Variants in LRRTM4 observed in about 807,000 individuals in gnomAD.
LRRTM4 encodes leucine rich repeat transmembrane neuronal 4.
Under a neutral mutation model 47.6 loss-of-function variants are expected in LRRTM4, and 25 were observed. The observed-to-expected ratio is 0.53, with a 90% CI of 0.38 to 0.73. The LOEUF (loss-of-function observed/expected upper bound fraction) is 0.73. Ranked by LOEUF, LRRTM4 falls within the 30% of genes least tolerant of loss-of-function variation. The pLI, the probability that LRRTM4 is intolerant of heterozygous loss-of-function variation, is 0.00. For synonymous variants in LRRTM4, 311 were observed against 269.5 expected, an observed-to-expected ratio of 1.15 and a Z score of -1.51; for missense variants, 638 against 713.4, an observed-to-expected ratio of 0.89 and a Z score of 1.20.
chr2:77,462,869 C>G (rs1263027269), intron 3 of LRRTM4, among the ~76,000 whole-genome samples: 1 of 150,968 alleles, frequency 6.6e-6, no homozygotes, highest in Non-Finnish European at 1.5e-5. Flanking sequence ...TTTAAGGAAG[C>G]ATTCTAGAAT....
chr2:77,200,466 C>G (rs929955945), intron 3 of LRRTM4, among the ~76,000 whole-genome samples: 4 of 152,012 alleles, frequency 2.6e-5, no homozygotes, highest in East Asian at 3.9e-4. Context: ...ATAAACTCTT[C>G]TTCAATTCAG....
At chr2:76,958,270 A>G (rs2103905051) in intron 3 of LRRTM4, among the ~76,000 whole-genome samples, 1 of 151,890 alleles carries the variant, frequency 6.6e-6, no homozygotes, top group East Asian at 2.0e-4. Flanking sequence ...GAATATGAAC[A>G]ATAAAAAACT....
chr2:76,896,056 A>T (rs1032370008), intron 3 of LRRTM4, among the ~76,000 whole-genome samples: 1 of 152,058 alleles, frequency 6.6e-6, no homozygotes, highest in Non-Finnish European at 1.5e-5. Context: ...TTGGAAAAAC[A>T]CTTTGGTTTT....
intron 3 of LRRTM4, among the ~76,000 whole-genome samples, chr2:76,960,504 T>A (rs1675820102): frequency 6.6e-6 from 1 of 151,634 alleles, no homozygotes; most frequent in Admixed American, 6.6e-5. Flanking sequence ...TCTCAGAAGT[T>A]ATTTGAAAAA....
chr2:77,472,239 G>T (rs1677217523), intron 3 of LRRTM4, among the ~76,000 whole-genome samples: 1 of 152,142 alleles, frequency 6.6e-6, no homozygotes, highest in Non-Finnish European at 1.5e-5. Flanking sequence ...GAGAAAATAT[G>T]TGTGTTAGGT....
Position 77,220,863 on chromosome 2 carries a change from A to G in LRRTM4, c.1551+297455T>C, listed in dbSNP as rs1324126765. On this transcript the variant is annotated intron_variant, in intron 3 of 3. Transcript: ENST00000409884. ...TCAGGAAATACAGAGAACGCCACAA[A>G]GATACTCCTTGAGAAGACCAACTCC... 2.6e-5 allele frequency among the ~76,000 whole-genome samples: 4 copies of G among 152,304 alleles called. No individual in the cohort carries two copies. In the East Asian group the frequency reaches 7.7e-4, roughly 29 times the overall value.
intron 3 of LRRTM4, among the ~76,000 whole-genome samples, chr2:77,338,628 G>T (rs1671252411): frequency 6.6e-6 from 1 of 151,950 alleles, no homozygotes; most frequent in South Asian, 2.1e-4. Flanking sequence ...TAGAGAAAAG[G>T]AAACACTCAT....
At chr2:77,477,965 A>AAG (rs1231933901) in intron 3 of LRRTM4, among the ~76,000 whole-genome samples, 7 of 144,766 alleles carry the variant, frequency 4.8e-5, no homozygotes, top group African/African-American at 1.8e-4. Flanking sequence ...GAAAGAAAGA[A>AAG]AGAAAAAGAA....
intron 3 of LRRTM4, among the ~76,000 whole-genome samples, chr2:77,144,993 A>G (rs1672216949): frequency 6.6e-6 from 1 of 152,184 alleles, no homozygotes; most frequent in Admixed American, 6.5e-5. Context: ...AAAATGAAAT[A>G]ATGCAAGTCA....
intron 3 of LRRTM4, among the ~76,000 whole-genome samples, chr2:77,313,052 A>G (rs1677501934): frequency 6.6e-6 from 1 of 152,184 alleles, no homozygotes; most frequent in South Asian, 2.1e-4. Context: ...ACATTAACCC[A>G]TAGACATAGA....
chr2:77,262,114 C>A (rs1244550103), intron 3 of LRRTM4, among the ~76,000 whole-genome samples: 1 of 152,138 alleles, frequency 6.6e-6, no homozygotes, highest in African/African-American at 2.4e-5. Flanking sequence ...GCCTCATAAT[C>A]TGTCAGTGTC....
chr2:77,141,754 G>A (rs1672129612), intron 3 of LRRTM4, among the ~76,000 whole-genome samples: 3 of 152,204 alleles, frequency 2.0e-5, no homozygotes, highest in African/African-American at 7.2e-5. Context: ...TTTTGGTATT[G>A]TCATTATAAA....
intron 3 of LRRTM4, among the ~76,000 whole-genome samples, chr2:76,778,670 G>A (rs1359595113): frequency 6.6e-6 from 1 of 151,392 alleles, no homozygotes; most frequent in Admixed American, 6.6e-5. Context: ...TATTAGTCTT[G>A]CTAGCGGTCT....
chr2:76,899,912 G>C (rs544583278), intron 3 of LRRTM4, among the ~76,000 whole-genome samples: 1 of 152,186 alleles, frequency 6.6e-6, no homozygotes, highest in East Asian at 1.9e-4. Context: ...TACCAATCTT[G>C]AATATTGTTT....
intron 3 of LRRTM4, among the ~76,000 whole-genome samples, chr2:77,198,547 AT>A (rs1238012683): frequency 3.3e-5 from 5 of 152,220 alleles, no homozygotes; most frequent in African/African-American, 4.8e-5. Flanking sequence ...GATTCCATCA[AT>A]TGAAGTTGAA....
chr2:76,894,690 AC>A (rs1246823462), intron 3 of LRRTM4, among the ~76,000 whole-genome samples: 1 of 151,942 alleles, frequency 6.6e-6, no homozygotes, highest in East Asian at 1.9e-4. Context: ...AACTGGAGTG[AC>A]TTTTTCTTTT....
chr2:77,048,090 C>T (rs1679293909), intron 3 of LRRTM4, among the ~76,000 whole-genome samples: 1 of 151,694 alleles, frequency 6.6e-6, no homozygotes, highest in Middle Eastern at 3.2e-3. Flanking sequence ...TTTTATTTTG[C>T]TATGTCATGA....
chr2:76,816,845 T>G (rs1249931418), intron 3 of LRRTM4, among the ~76,000 whole-genome samples: 2,928 of 139,320 alleles, frequency 0.021, 104 homozygotes, highest in East Asian at 0.082. Context: ...TTTTTTTTTT[T>G]TTTTTTTTTT....
chr2:77,130,753 C>A (rs1244952416), intron 3 of LRRTM4, among the ~76,000 whole-genome samples: 1 of 150,598 alleles, frequency 6.6e-6, no homozygotes, highest in Non-Finnish European at 1.5e-5. Context: ...CCTCATGATC[C>A]GCCCACCTCG....
Sources: allele counts gnomAD v4.1 joint callset (sites outside exome capture counted in the v4.1 genomes callset), GRCh38; gene constraint gnomAD v4.1.1; transcripts MANE v1.5; gene names NCBI Gene and HGNC (gene_info 2026-07-23, HGNC 2026-07-21).